Variants in TLE4 observed in about 807,000 individuals in gnomAD.
TLE4 encodes the protein transducin-like enhancer protein 4.
In TLE4, 8 loss-of-function variants were observed where a neutral mutation model predicts 92.8. The observed-to-expected ratio is 0.09, with a 90% CI of 0.05 to 0.16. The LOEUF is 0.16. Ranked by LOEUF, TLE4 falls within the 10% of genes least tolerant of loss-of-function variation. The pLI, the probability that TLE4 is intolerant of heterozygous loss-of-function variation, is 1.00. For missense variants in TLE4, 675 were observed against 997.6 expected, an observed-to-expected ratio of 0.68 and a Z score of 4.36; for synonymous variants, 371 against 374.1, an observed-to-expected ratio of 0.99 and a Z score of 0.10.
chr9:79,594,923 A>G (rs533649115), intron 4 of TLE4, among the ~76,000 whole-genome samples: 1 of 152,350 alleles, frequency 6.6e-6, no homozygotes, highest in Middle Eastern at 3.4e-3. Context: ...TTAACTCTGT[A>G]CTTTAACCAT....
intron 6 of TLE4, among the ~76,000 whole-genome samples, chr9:79,638,231 A>G (rs2056390721): frequency 6.6e-6 from 1 of 152,174 alleles, no homozygotes; most frequent in African/African-American, 2.4e-5. Context: ...GATATAAACA[A>G]GTTAGAACTT....
At chr9:79,642,363 C>T (rs1046278556) in intron 6 of TLE4, among the ~76,000 whole-genome samples, 8 of 151,916 alleles carry the variant, frequency 5.3e-5, no homozygotes, top group Non-Finnish European at 7.4e-5. Context: ...TCAAGTGATC[C>T]TCCTGCCTCA....
intron 4 of TLE4, among the ~76,000 whole-genome samples, chr9:79,606,725 C>T (rs1048588920): frequency 6.6e-6 from 1 of 152,066 alleles, no homozygotes. Flanking sequence ...TTTATGGCTG[C>T]ATAGTATTCC....
chr9:79,599,359 G>C (rs2044973889), intron 4 of TLE4, among the ~76,000 whole-genome samples: 1 of 152,146 alleles, frequency 6.6e-6, no homozygotes, highest in Non-Finnish European at 1.5e-5. Context: ...TTCACCTGGG[G>C]AGCTTTAAAA....
chr9:79,599,497 G>C (rs970793381), intron 4 of TLE4, among the ~76,000 whole-genome samples: 40 of 152,170 alleles, frequency 2.6e-4, no homozygotes, highest in Non-Finnish European at 2.1e-4. Context: ...CTACTGACAA[G>C]CTCAGTGTTT....
Position 79,572,701 on chromosome 9 carries a change from C to A in TLE4, c.-90C>A, listed in dbSNP as rs1274516320. ...GCCGCCCCTCAGACCGAGCCGGCCG[C>A]CTCCGCTGCCGCGGCCGCCTCCTCT... On this transcript the variant is annotated 5_prime_UTR_variant, in exon 1 of 20. Transcript: ENST00000376552. 2 of 1,429,212 alleles carry A rather than the reference C, an allele frequency of 1.4e-6. No individual in the cohort carries two copies. The highest frequency in any genetic ancestry group is 1.9e-5 in the Admixed American group (1 of 52,712). The allele number at this position is 1,429,212 out of a possible 1,614,324, so 88.5% of individuals were successfully genotyped here. A position where few individuals can be genotyped will look rare whatever the true frequency, so the allele number is the denominator to read the frequency against.
chr9:79,711,599 G>T (rs1300192238), intron 14 of TLE4, among the ~76,000 whole-genome samples: 1 of 152,112 alleles, frequency 6.6e-6, no homozygotes, highest in Non-Finnish European at 1.5e-5. Flanking sequence ...GATGCTTCTT[G>T]CCTCAGCTGC....
chr9:79,660,112 A>G (rs542867263), intron 8 of TLE4, among the ~76,000 whole-genome samples: 1 of 152,304 alleles, frequency 6.6e-6, no homozygotes, highest in African/African-American at 2.4e-5. Context: ...ACCACAAGGA[A>G]GCACACTGAA....
At chr9:79,678,165 A>G (rs1564842947) in intron 8 of TLE4, among the ~76,000 whole-genome samples, 2 of 152,156 alleles carry the variant, frequency 1.3e-5, no homozygotes, top group African/African-American at 4.8e-5. Flanking sequence ...TCAAGCATCT[A>G]GATGCATAGG....
At chr9:79,722,105 C>T (rs921934782) in intron 17 of TLE4, among the ~76,000 whole-genome samples, 44 of 152,024 alleles carry the variant, frequency 2.9e-4, no homozygotes, top group Non-Finnish European at 5.1e-4. Flanking sequence ...GCAGTGGTTG[C>T]ACTGAGCTGA....
chr9:79,595,849 CTTTT>C (rs746656900), intron 4 of TLE4, among the ~76,000 whole-genome samples: 2 of 138,584 alleles, frequency 1.4e-5, no homozygotes, highest in East Asian at 4.2e-4. Context: ...TTGCCATCTA[CTTTT>C]TTTTTTTTTT....
chr9:79,669,671 C>G (rs935063435), intron 8 of TLE4, among the ~76,000 whole-genome samples: 1 of 152,154 alleles, frequency 6.6e-6, no homozygotes, highest in Non-Finnish European at 1.5e-5. Flanking sequence ...GGATTCCCCT[C>G]TGCTACTGGT....
intron 14 of TLE4, among the ~76,000 whole-genome samples, chr9:79,713,083 T>G (rs1353269616): frequency 6.6e-6 from 1 of 152,230 alleles, no homozygotes; most frequent in African/African-American, 2.4e-5. Context: ...TATTTCAATG[T>G]AAAATACAAT....
chr9:79,707,639 T>C (rs867863110), intron 11 of TLE4, among the ~76,000 whole-genome samples: 2 of 152,218 alleles, frequency 1.3e-5, no homozygotes, highest in Non-Finnish European at 1.5e-5. Context: ...TTTTTTTAAA[T>C]TTTATTTTCT....
At chr9:79,601,514 C>T in intron 4 of TLE4, 1 of 453,376 alleles carries the variant, frequency 2.2e-6, no homozygotes, top group East Asian at 7.0e-5. Flanking sequence ...ATTTTGGTAA[C>T]TCTCACAATG....
chr9:79,720,425 T>A, intron 16 of TLE4, 132 bp downstream of exon 16: 1 of 1,008,758 alleles, frequency 9.9e-7, no homozygotes, highest in Non-Finnish European at 1.3e-6. Context: ...TGTGTGTGTG[T>A]AAAGTGATAT....
chr9:79,714,606 A>G (rs2074098725), intron 14 of TLE4, among the ~76,000 whole-genome samples: 1 of 152,194 alleles, frequency 6.6e-6, no homozygotes, highest in Non-Finnish European at 1.5e-5. Context: ...CTCTCATCCA[A>G]CATAAACTTT....
intron 12 of TLE4, 84 bp downstream of exon 12, chr9:79,708,334 G>T: frequency 3.4e-6 from 5 of 1,476,600 alleles, no homozygotes; most frequent in Non-Finnish European, 4.6e-6. Context: ...TACATTAAAA[G>T]TGCTAATGAC....
chr9:79,600,833 C>T (rs2045455874), intron 4 of TLE4, among the ~76,000 whole-genome samples: 10 of 152,142 alleles, frequency 6.6e-5, no homozygotes, highest in Admixed American at 6.5e-4. Flanking sequence ...TTCCTGAGCT[C>T]CACCACCACA....
Sources: allele counts gnomAD v4.1 joint callset (sites outside exome capture counted in the v4.1 genomes callset), GRCh38; gene constraint gnomAD v4.1.1; transcripts MANE v1.5; gene names NCBI Gene and HGNC (gene_info 2026-07-23, HGNC 2026-07-21).